Variants in DNAJC13 observed in about 807,000 individuals in gnomAD.
DNAJC13 encodes the protein DnaJ heat shock protein family (Hsp40) member C13.
In DNAJC13, 75 loss-of-function variants were observed where a neutral mutation model predicts 290.5. The observed-to-expected ratio is 0.26, with a 90% CI of 0.21 to 0.31. The LOEUF is 0.31. DNAJC13 is among the 10% of genes least tolerant of loss of function. DNAJC13 has a pLI of 1.00. For missense variants in DNAJC13, 2,260 were observed against 2,674.5 expected (o/e 0.85, Z 3.42); for synonymous variants, 862 against 892.0 (o/e 0.97, Z 0.60).
At chr3:132,531,522 G>T (rs1483196302) in intron 55 of DNAJC13, among the ~76,000 whole-genome samples, 2 of 152,176 alleles carry the variant, frequency 1.3e-5, no homozygotes, top group Non-Finnish European at 2.9e-5. Context: ...TCTTGGCTGG[G>T]CGCGGTGGCT....
chr3:132,524,496 G>A (rs1936190045), intron 51 of DNAJC13, among the ~76,000 whole-genome samples: 1 of 152,228 alleles, frequency 6.6e-6, no homozygotes, highest in Non-Finnish European at 1.5e-5. Flanking sequence ...CTGCCTCTGA[G>A]GCAGAGGTTC....
intron 48 of DNAJC13, among the ~76,000 whole-genome samples, chr3:132,519,079 T>C (rs892478503): frequency 5.3e-5 from 8 of 152,238 alleles, no homozygotes; most frequent in African/African-American, 1.9e-4. Context: ...GGATTGTTTC[T>C]ATTTTTTGGC....
chr3:132,458,189 G>C (rs920579460), intron 13 of DNAJC13: 1 of 152,182 alleles, frequency 6.6e-6, no homozygotes. Context: ...CTTAGTGGCA[G>C]CTTGTACAGA....
In DNAJC13 at chr3:132,463,833, C is replaced by A. The variant is rs185789723; in HGVS notation, c.1892+16C>A. The stretch of plus-strand genomic sequence containing the variant: ...TTACAAATAGGTAGGTGATTTAATT[C>A]AATTTGCTGCAATTTAACTTCCTGT... On this transcript the variant is annotated intron_variant, in intron 17 of 55. Transcript: ENST00000260818. 6.3e-7 allele frequency: 1 copy of A among 1,596,504 alleles called. No homozygotes were observed. The highest frequency in any genetic ancestry group is 2.2e-5 in the East Asian group (1 of 44,460).
chr3:132,466,584 T>C (rs780858327), intron 19 of DNAJC13, among the ~76,000 whole-genome samples, 190 bp downstream of exon 19: 3 of 152,222 alleles, frequency 2.0e-5, no homozygotes, highest in Non-Finnish European at 2.9e-5. Flanking sequence ...AGGTATACAA[T>C]TAAATAATTT....
At position 132,503,312 on chromosome 3, in the gene DNAJC13, A is replaced by G. The variant is rs750293331; in HGVS notation, c.4815A>G (p.Ile1605Met). The G allele has an allele frequency of 4.3e-6, 7 of 1,614,016 alleles. No homozygotes were observed. In the Admixed American group the frequency reaches 5.0e-5, roughly 12 times the overall value. The change falls in exon 41 of 56, where the codon ATA becomes ATG. Residue 1605 changes from isoleucine (I) to methionine (M), a missense_variant. This residue lies in a region of DNAJC13 where 1,494 missense variants were observed against 1,693.7 expected (regional missense o/e 0.88). Transcript: ENST00000260818. ...AAGCAACTCCAGAAAATCCAACCAT[A>G]AGGAAAAGCTTAGCTGGCATGCTGA... is the stretch of plus-strand genomic sequence containing the variant. ...EEQATPENPT[I>M]RKSLAGMLTP... is the part of the protein sequence containing the mutation.
chr3:132,450,927 T>C, intron 6 of DNAJC13, 80 bp downstream of exon 6: 1 of 840,484 alleles, frequency 1.2e-6, no homozygotes, highest in South Asian at 2.4e-5. Flanking sequence ...TTATACTTCA[T>C]TTTGAAATTT....
At chr3:132,457,552 A>G (rs947933243) in intron 13 of DNAJC13, 184 bp downstream of exon 13, 1 of 546,726 alleles carries the variant, frequency 1.8e-6, no homozygotes. Flanking sequence ...TGTGCCAGAA[A>G]TTCAAAGATC....
At chr3:132,487,303 T>G (rs1934909524) in intron 29 of DNAJC13, among the ~76,000 whole-genome samples, 1 of 152,002 alleles carries the variant, frequency 6.6e-6, no homozygotes, top group Non-Finnish European at 1.5e-5. Flanking sequence ...GTCGCCCAGG[T>G]TGGAGTGCAG....
At chr3:132,506,797 G>A (rs1448011010) in intron 42 of DNAJC13, among the ~76,000 whole-genome samples, 3 of 151,700 alleles carry the variant, frequency 2.0e-5, no homozygotes, top group African/African-American at 4.8e-5. Flanking sequence ...TGATCCACCC[G>A]CCTCGGCCTC....
At chr3:132,476,052 G>A (rs1484665759) in intron 22 of DNAJC13, among the ~76,000 whole-genome samples, 2 of 151,846 alleles carry the variant, frequency 1.3e-5, no homozygotes, top group Non-Finnish European at 2.9e-5. Flanking sequence ...TTCCACCTTC[G>A]CCTCCCCAGT....
intron 19 of DNAJC13, 59 bp downstream of exon 19, chr3:132,466,453 G>T (rs1933988917): frequency 7.4e-6 from 10 of 1,348,562 alleles, no homozygotes; most frequent in Non-Finnish European, 9.8e-6. Context: ...TTATATATAT[G>T]TCTTTTTTTG....
intron 48 of DNAJC13, 30 bp downstream of exon 48, chr3:132,516,846 A>G (rs758505587): frequency 1.3e-6 from 2 of 1,514,994 alleles, no homozygotes; most frequent in East Asian, 4.6e-5. Context: ...TTGAAAGGAA[A>G]TTAATTATTA....
chr3:132,433,488 G>GCTGGTCTCAAACTC (rs1939293674), intron 1 of DNAJC13, among the ~76,000 whole-genome samples: 1 of 151,708 alleles, frequency 6.6e-6, no homozygotes, highest in Non-Finnish European at 1.5e-5. Context: ...TGTTGTCTAG[G>GCTGGTCTCAAACTC]CTGGTCTCAA....
intron 9 of DNAJC13, among the ~76,000 whole-genome samples, chr3:132,455,765 G>A (rs1933576632): frequency 1.3e-5 from 2 of 152,210 alleles, no homozygotes; most frequent in Non-Finnish European, 2.9e-5. Context: ...CTGTTTTTAT[G>A]AAGTTTCTTT....
chr3:132,498,967 T>G (rs1481089438), intron 36 of DNAJC13, among the ~76,000 whole-genome samples, 159 bp from the exon 37 acceptor site: 1 of 152,086 alleles, frequency 6.6e-6, no homozygotes, highest in East Asian at 1.9e-4. Context: ...CCACCCACCT[T>G]GGCCTCCCAA....
In DNAJC13 at chr3:132,513,002, C is replaced by G. The variant is rs1341901383; in HGVS notation, c.5294-6C>G. The G allele has an allele frequency of 1.9e-6, 3 of 1,609,066 alleles. No homozygotes were observed. The highest frequency in any genetic ancestry group is 2.2e-5 in the East Asian group (1 of 44,836). On this transcript the variant is annotated splice_polypyrimidine_tract_variant and splice_region_variant and intron_variant, in intron 44 of 55. Coordinates refer to ENST00000260818, the MANE Select transcript of DNAJC13 (RefSeq NM_015268.4). ...GGAAGTAAACCATTTTATTCTTATT[C>G]TCTAGGTTCTGAGAGTGAATGCATT... is the stretch of plus-strand genomic sequence containing the variant.
At chr3:132,501,393 G>A (rs1239648088) in intron 39 of DNAJC13, among the ~76,000 whole-genome samples, 2 of 152,022 alleles carry the variant, frequency 1.3e-5, no homozygotes, top group African/African-American at 2.4e-5. Context: ...CTAGGTATTC[G>A]GGAGGCTGAG....
At chr3:132,462,446 T>C (rs774669350) in intron 15 of DNAJC13, 21 bp from the exon 16 acceptor site, 15 of 1,600,486 alleles carry the variant, frequency 9.4e-6, no homozygotes, top group Admixed American at 1.7e-5. Context: ...TTTTTGATAC[T>C]TTTTCCCCCT....
Sources: gnomAD v4.1 joint callset for allele counts (sites outside exome capture counted in the v4.1 genomes callset) on GRCh38, gnomAD v4.1.1 for gene constraint, gnomAD v4.1.1 regional missense constraint, MANE v1.5 for transcripts, NCBI Gene and HGNC (gene_info 2026-07-23, HGNC 2026-07-21) for gene names.